The following GMDS variants were observed in gnomAD, a reference collection of about 807,000 sequenced individuals.
GMDS encodes the protein GDP-mannose 4,6-dehydratase.
GMDS carries 20 observed loss-of-function variants against 49.9 expected under a neutral mutation model. The ratio of observed to expected loss-of-function variants is 0.40; its 90% CI spans 0.28 to 0.58. The LOEUF (loss-of-function observed/expected upper bound fraction) is 0.58. GMDS is among the 20% of genes least tolerant of loss of function. The probability of loss-of-function intolerance (pLI) is 0.42; values close to 1 mark genes in which losing one functional copy is unlikely to be tolerated. For synonymous variants in GMDS, 177 were observed against 178.6 expected (o/e 0.99, Z 0.07); for missense variants, 362 against 481.4 (o/e 0.75, Z 2.32).
chr6:1,655,478 C>A (rs1025853765), intron 9 of GMDS, among the ~76,000 whole-genome samples: 51 of 38,690 alleles, frequency 1.3e-3, no homozygotes, highest in African/African-American at 3.9e-3. Flanking sequence ...GAAAGCCTTA[C>A]ACACACACAC....
intron 9 of GMDS, among the ~76,000 whole-genome samples, chr6:1,629,870 G>A (rs374410622): frequency 1.1e-4 from 17 of 152,280 alleles, no homozygotes; most frequent in Non-Finnish European, 2.2e-4. Context: ...GCATCCATCC[G>A]TATGCATGCC....
intron 1 of GMDS, among the ~76,000 whole-genome samples, chr6:2,228,353 T>C (rs1251027748): frequency 1.3e-5 from 2 of 152,136 alleles, no homozygotes; most frequent in Non-Finnish European, 2.9e-5. Flanking sequence ...TTATAAGCAC[T>C]CTCCTTTTCT....
At chr6:1,664,230 T>A (rs1348305012) in intron 9 of GMDS, among the ~76,000 whole-genome samples, 1 of 152,206 alleles carries the variant, frequency 6.6e-6, no homozygotes, top group Non-Finnish European at 1.5e-5. Context: ...AATCTGCCCT[T>A]TGCTACTTGA....
At chr6:1,795,885 C>T (rs551368074) in intron 7 of GMDS, among the ~76,000 whole-genome samples, 54 of 152,140 alleles carry the variant, frequency 3.5e-4, no homozygotes, top group South Asian at 1.7e-3. Context: ...ATAATTTATC[C>T]GAAATATATA....
At chr6:1,813,748 C>T (rs764900846) in intron 7 of GMDS, among the ~76,000 whole-genome samples, 15 of 152,056 alleles carry the variant, frequency 9.9e-5, no homozygotes, top group Admixed American at 6.6e-5. Context: ...CTGATTTGTG[C>T]TCATGTATTA....
chr6:1,694,488 C>A (rs1322669890), intron 9 of GMDS, among the ~76,000 whole-genome samples: 2 of 152,148 alleles, frequency 1.3e-5, no homozygotes, highest in African/African-American at 4.8e-5. Context: ...GGTCACACTG[C>A]AGTAAATGGC....
intron 8 of GMDS, among the ~76,000 whole-genome samples, chr6:1,740,114 C>T (rs1157833102): frequency 2.0e-5 from 3 of 152,116 alleles, no homozygotes; most frequent in African/African-American, 7.2e-5. Context: ...GTTATGCTTA[C>T]ATCTTATTTT....
At chr6:1,985,368 T>C (rs766961645) in intron 4 of GMDS, among the ~76,000 whole-genome samples, 1 of 148,422 alleles carries the variant, frequency 6.7e-6, no homozygotes, top group African/African-American at 2.5e-5. Flanking sequence ...TCCTATTCAA[T>C]ACAGGCTTGC....
intron 9 of GMDS, among the ~76,000 whole-genome samples, chr6:1,648,205 A>T (rs1313794087): frequency 1.3e-5 from 2 of 152,040 alleles, no homozygotes; most frequent in Non-Finnish European, 2.9e-5. Flanking sequence ...TCTCCTCAGG[A>T]TCTCCTCACT....
At chr6:1,738,103 C>T (rs1440375400) in intron 8 of GMDS, among the ~76,000 whole-genome samples, 1 of 147,156 alleles carries the variant, frequency 6.8e-6, no homozygotes, top group African/African-American at 2.5e-5. Flanking sequence ...ACACACCACA[C>T]ATATACACAC....
intron 1 of GMDS, among the ~76,000 whole-genome samples, chr6:2,208,352 A>G (rs541984264): frequency 9.9e-5 from 15 of 152,238 alleles, no homozygotes; most frequent in Non-Finnish European, 1.8e-4. Context: ...GCTTATCTAC[A>G]TTCAATATTC....
At chr6:1,951,972 C>T in intron 6 of GMDS, 11 of 982,676 alleles carry the variant, frequency 1.1e-5, no homozygotes, top group Non-Finnish European at 1.3e-5. Flanking sequence ...GGTTTCTTTG[C>T]TCAAGTTCAA....
intron 1 of GMDS, among the ~76,000 whole-genome samples, chr6:2,213,171 C>T (rs1304709496): frequency 2.6e-5 from 4 of 152,202 alleles, no homozygotes; most frequent in Non-Finnish European, 5.9e-5. Context: ...AAGCTCACCA[C>T]AGGTGGCAAA....
At chr6:1,967,452 G>T (rs956694272) in intron 4 of GMDS, among the ~76,000 whole-genome samples, 1 of 152,144 alleles carries the variant, frequency 6.6e-6, no homozygotes, top group African/African-American at 2.4e-5. Flanking sequence ...CTATGAGAAT[G>T]ATAAAACAAG....
At chr6:1,777,992 G>A (rs1768909093) in intron 7 of GMDS, among the ~76,000 whole-genome samples, 3 of 152,114 alleles carry the variant, frequency 2.0e-5, no homozygotes, top group Admixed American at 2.0e-4. Flanking sequence ...GCTAACAGAT[G>A]GAAGAGCTGA....
intron 7 of GMDS, among the ~76,000 whole-genome samples, chr6:1,835,714 C>G (rs1436528298): frequency 6.6e-6 from 1 of 151,984 alleles, no homozygotes; most frequent in Non-Finnish European, 1.5e-5. Flanking sequence ...TAAAACTGCA[C>G]ATAATAAGTG....
chr6:2,000,816 C>A (rs766841302), intron 4 of GMDS, among the ~76,000 whole-genome samples: 13 of 152,230 alleles, frequency 8.5e-5, no homozygotes, highest in Non-Finnish European at 1.8e-4. Context: ...CATACACCAC[C>A]ATGCCCAGCC....
chr6:1,985,656 CA>C (rs1448406863), intron 4 of GMDS, among the ~76,000 whole-genome samples: 2 of 151,972 alleles, frequency 1.3e-5, no homozygotes, highest in Non-Finnish European at 2.9e-5. Flanking sequence ...ATTCAAACAA[CA>C]AAACTAAAAA....
At chr6:1,682,102 T>A (rs1271233656) in intron 9 of GMDS, among the ~76,000 whole-genome samples, 2 of 152,174 alleles carry the variant, frequency 1.3e-5, no homozygotes, top group African/African-American at 4.8e-5. Context: ...ATTGCGTATG[T>A]CTAGGTTTAT....
Sources: allele counts gnomAD v4.1 joint callset (sites outside exome capture counted in the v4.1 genomes callset), GRCh38; gene constraint gnomAD v4.1.1; transcripts MANE v1.5; gene names NCBI Gene and HGNC (gene_info 2026-07-23, HGNC 2026-07-21).